The following FGD3 variants were observed in gnomAD, a reference collection of about 807,000 sequenced individuals.
FGD3 encodes the protein FYVE, RhoGEF and PH domain containing 3, also known as FYVE, RhoGEF and PH domain-containing protein 3.
A neutral mutation model predicts 71.8 loss-of-function variants in FGD3; 45 were observed. The observed-to-expected ratio is 0.63, with a 90% CI of 0.49 to 0.80. The LOEUF is 0.80. Ranked by LOEUF, FGD3 falls within the 30% of genes least tolerant of loss-of-function variation. The probability of loss-of-function intolerance (pLI) is 0.00; values close to 1 mark genes in which losing one functional copy is unlikely to be tolerated. For synonymous variants in FGD3, 378 were observed against 392.8 expected (o/e 0.96, Z 0.44); for missense variants, 844 against 951.5 (o/e 0.89, Z 1.49).
At chr9:93,020,026 G>C (rs946087185) in intron 12 of FGD3, among the ~76,000 whole-genome samples, 165 bp downstream of exon 12, 5 of 152,228 alleles carry the variant, frequency 3.3e-5, no homozygotes, top group African/African-American at 9.6e-5. Flanking sequence ...AGCAGCTTCA[G>C]ATGCCACAAG....
At chr9:93,022,439 G>A (rs1248637583) in intron 14 of FGD3, 50 bp downstream of exon 14, 1 of 1,589,090 alleles carries the variant, frequency 6.3e-7, no homozygotes, top group Non-Finnish European at 8.6e-7. Flanking sequence ...CAGAGCAGGG[G>A]GTCAGACCAG....
At chr9:92,999,349 C>A (rs1047518653) in intron 3 of FGD3, among the ~76,000 whole-genome samples, 10 of 152,198 alleles carry the variant, frequency 6.6e-5, no homozygotes, top group African/African-American at 2.4e-4. Flanking sequence ...GGGAGTGTCT[C>A]GATTTTCCAG....
intron 3 of FGD3, among the ~76,000 whole-genome samples, chr9:92,980,611 C>T (rs944104376): frequency 1.3e-5 from 2 of 151,676 alleles, no homozygotes; most frequent in African/African-American, 4.8e-5. Flanking sequence ...CCTCTTAGCA[C>T]TGCTTTTACT....
chr9:92,962,458 G>A (rs535329356), intron 1 of FGD3, among the ~76,000 whole-genome samples: 9 of 152,314 alleles, frequency 5.9e-5, no homozygotes, highest in African/African-American at 2.2e-4. Context: ...GTCCAGGGCT[G>A]CCTCCTCAGG....
intron 14 of FGD3, among the ~76,000 whole-genome samples, chr9:93,026,727 C>T (rs1204199666): frequency 6.6e-6 from 1 of 152,240 alleles, no homozygotes; most frequent in African/African-American, 2.4e-5. Flanking sequence ...TGCTGTGCAC[C>T]CAGCCCCGCA....
At chr9:93,028,852 G>C (rs1862236171) in intron 14 of FGD3, among the ~76,000 whole-genome samples, 1 of 152,098 alleles carries the variant, frequency 6.6e-6, no homozygotes, top group Admixed American at 6.6e-5. Flanking sequence ...GGAAACCAAG[G>C]CTGGACTGGG....
intron 16 of FGD3, chr9:93,033,857 G>A (rs1862476253): frequency 6.6e-6 from 1 of 152,290 alleles, no homozygotes; most frequent in African/African-American, 2.4e-5. Flanking sequence ...GGTCTAAGAA[G>A]TCAAGGATGT....
chr9:92,995,875 G>T (rs1860621361), intron 3 of FGD3, among the ~76,000 whole-genome samples: 1 of 152,146 alleles, frequency 6.6e-6, no homozygotes, highest in Non-Finnish European at 1.5e-5. Flanking sequence ...GATTCAGTTT[G>T]CCAGTATTTT....
At chr9:93,009,759 G>A (rs1362589560) in intron 6 of FGD3, among the ~76,000 whole-genome samples, 4 of 152,226 alleles carry the variant, frequency 2.6e-5, no homozygotes, top group Admixed American at 6.5e-5. Context: ...TGGAATACTG[G>A]TGCGTTTATA....
At chr9:93,000,892 C>G (rs1260206350) in intron 3 of FGD3, among the ~76,000 whole-genome samples, 1 of 152,118 alleles carries the variant, frequency 6.6e-6, no homozygotes, top group Non-Finnish European at 1.5e-5. Context: ...CCCTTTCTCT[C>G]TCTTCTCTTT....
intron 6 of FGD3, among the ~76,000 whole-genome samples, chr9:93,006,751 G>GAGTC (rs1444451655): frequency 6.6e-6 from 1 of 150,952 alleles, no homozygotes; most frequent in African/African-American, 2.4e-5. Flanking sequence ...TTTTGAGACA[G>GAGTC]AGTCTCACTC....
chr9:92,952,061 G>T (rs1322095650), intron 1 of FGD3, among the ~76,000 whole-genome samples: 2 of 152,056 alleles, frequency 1.3e-5, no homozygotes, highest in African/African-American at 4.8e-5. Flanking sequence ...GCTGCATAAG[G>T]AATAATTCGT....
At chr9:92,978,363 A>G (rs980218322) in intron 3 of FGD3, among the ~76,000 whole-genome samples, 33 of 151,908 alleles carry the variant, frequency 2.2e-4, no homozygotes, top group Admixed American at 6.6e-5. Flanking sequence ...AATAAGCAAT[A>G]TTAAAACAAC....
chr9:93,029,318 G>A (rs1293248475), intron 14 of FGD3, among the ~76,000 whole-genome samples: 5 of 152,138 alleles, frequency 3.3e-5, no homozygotes, highest in African/African-American at 1.2e-4. Context: ...TGGGATTACA[G>A]GCATGAGCCA....
chr9:92,997,249 T>G (rs1290638727), intron 3 of FGD3, among the ~76,000 whole-genome samples: 2 of 152,218 alleles, frequency 1.3e-5, no homozygotes, highest in Non-Finnish European at 2.9e-5. Context: ...TTGTCTCTTT[T>G]GATCTTTGTT....
chr9:92,951,652 G>A (rs1429234731), intron 1 of FGD3, among the ~76,000 whole-genome samples: 1 of 152,220 alleles, frequency 6.6e-6, no homozygotes, highest in Non-Finnish European at 1.5e-5. Context: ...TCTAGCCTGG[G>A]TGACAGAGCG....
rs1564164931 is a variant in FGD3, at chr9:93,015,796, C to T, written c.1242C>T (p.Ser414=). ...PKLRLMGQKF[S]VREKMDISGL... Reference sequence around the variant, plus strand: ...TGCGGCTCATGGGCCAGAAGTTCAGCGTCCGGGAGAAGATGGACATCTCAG... The same window carrying T: ...TGCGGCTCATGGGCCAGAAGTTCAGTGTCCGGGAGAAGATGGACATCTCAG... The change falls in exon 10 of 18, where the codon AGC becomes AGT. Residue 414 remains serine (S), a synonymous_variant. Transcript: ENST00000375482. 3 of 1,614,148 alleles carry T rather than the reference C, an allele frequency of 1.9e-6. No homozygotes were observed. Among genetic ancestry groups the T allele is most frequent in the Admixed American group, 1.7e-5 (1 of 60,032 alleles).
chr9:93,006,209 A>T, intron 6 of FGD3, 29 bp downstream of exon 6: 1 of 1,509,986 alleles, frequency 6.6e-7, no homozygotes, highest in South Asian at 1.3e-5. Context: ...GTGTGGACAC[A>T]GATGTTCTCA....
At chr9:92,970,384 C>A (rs112153661) in intron 1 of FGD3, among the ~76,000 whole-genome samples, 6 of 152,300 alleles carry the variant, frequency 3.9e-5, no homozygotes, top group African/African-American at 1.4e-4. Context: ...TTGAGGACTG[C>A]AGCCAGGGAG....
Sources: allele counts gnomAD v4.1 joint callset (sites outside exome capture counted in the v4.1 genomes callset), GRCh38; gene constraint gnomAD v4.1.1; transcripts MANE v1.5; gene names NCBI Gene and HGNC (gene_info 2026-07-23, HGNC 2026-07-21).